CKAP5: variants seen among roughly 807,000 people sequenced by gnomAD.
CKAP5 encodes cytoskeleton associated protein 5.
CKAP5 carries 27 observed loss-of-function variants against 232.8 expected under a neutral mutation model. The ratio of observed to expected loss-of-function variants is 0.12; its 90% CI spans 0.09 to 0.16. CKAP5 has a LOEUF of 0.16. CKAP5 is among the 10% of genes least tolerant of loss of function. The pLI is 1.00. For synonymous variants in CKAP5, 785 were observed against 841.1 expected (o/e 0.93, Z 1.16); for missense variants, 1,838 against 2,424.7 (o/e 0.76, Z 5.08).
chr11:46,777,589 T>A (rs770870917), intron 22 of CKAP5, 37 bp from the exon 23 acceptor site: 8 of 1,416,636 alleles, frequency 5.6e-6, no homozygotes, highest in Non-Finnish European at 7.0e-6. Context: ...GTTGAAACGA[T>A]AAGCAAGTTG....
intron 22 of CKAP5, 119 bp downstream of exon 22, chr11:46,778,020 T>C (rs2065305558): frequency 1.3e-6 from 1 of 763,968 alleles, no homozygotes; most frequent in Non-Finnish European, 2.1e-6. Flanking sequence ...GGCAGCTATT[T>C]CTAGTTCAAA....
At chr11:46,814,349 G>A (rs1407016408) in intron 4 of CKAP5, among the ~76,000 whole-genome samples, 2 of 151,982 alleles carry the variant, frequency 1.3e-5, no homozygotes, top group Non-Finnish European at 2.9e-5. Context: ...ATTCACGTAA[G>A]AATCTAAGCA....
chr11:46,827,133 A>C (rs2134701069), intron 1 of CKAP5, among the ~76,000 whole-genome samples: 1 of 152,306 alleles, frequency 6.6e-6, no homozygotes, highest in Middle Eastern at 3.4e-3. Context: ...GAAACAAAGG[A>C]GATGACCAGT....
chr11:46,817,410 T>C (rs1939427590), intron 3 of CKAP5, among the ~76,000 whole-genome samples: 1 of 152,224 alleles, frequency 6.6e-6, no homozygotes. Flanking sequence ...ATAACTTTAC[T>C]GCTTTGAATC....
intron 26 of CKAP5, among the ~76,000 whole-genome samples, 171 bp downstream of exon 26, chr11:46,769,792 A>T (rs2065232980): frequency 6.6e-6 from 1 of 152,236 alleles, no homozygotes; most frequent in Non-Finnish European, 1.5e-5. Context: ...GGCATAAAAT[A>T]GGTACTTGAC....
intron 43 of CKAP5, 74 bp from the exon 44 acceptor site, chr11:46,744,339 G>A: frequency 6.2e-7 from 1 of 1,612,478 alleles, no homozygotes; most frequent in Non-Finnish European, 8.5e-7. Context: ...ACTACAGCAA[G>A]ACTAAGCCAC....
intron 16 of CKAP5, among the ~76,000 whole-genome samples, chr11:46,786,482 A>AG (rs1170214823): frequency 2.6e-5 from 4 of 152,236 alleles, no homozygotes; most frequent in African/African-American, 4.8e-5. Flanking sequence ...TGGCTAGCTC[A>AG]GTGGGAAAAG....
At chr11:46,793,389 T>C (rs1938786831) in intron 13 of CKAP5, among the ~76,000 whole-genome samples, 1 of 152,208 alleles carries the variant, frequency 6.6e-6, no homozygotes, top group African/African-American at 2.4e-5. Context: ...CAGATAACTC[T>C]CACTCTTAAG....
intron 1 of CKAP5, among the ~76,000 whole-genome samples, chr11:46,845,565 T>TA (rs1307185580): frequency 6.6e-6 from 1 of 152,088 alleles, no homozygotes; most frequent in Non-Finnish European, 1.5e-5. Context: ...AGCCCGACCT[T>TA]AAAGTAGCAA....
rs759778582 is a variant in CKAP5, at chr11:46,752,686, G to A, written c.5082C>T (p.Asp1694=). The stretch of plus-strand genomic sequence containing the variant: ...GAGAACTGGCTGTTGCTAGCAGGCT[G>A]TCTTGGAGCAAAACAAGTAGGGCAC... ...ILSALLVLLQ[D]SLLATASSPK... Residue 1694 remains aspartate (D), a synonymous_variant, in exon 38 of 44, where the codon GAC becomes GAT. Transcript: ENST00000529230. 1.2e-6 allele frequency: 2 copies of A among 1,612,970 alleles called. No homozygotes were observed. Among genetic ancestry groups the A allele is most frequent in the South Asian group, 1.1e-5 (1 of 91,000 alleles).
chr11:46,833,002 C>T (rs1220577362), intron 1 of CKAP5, among the ~76,000 whole-genome samples: 1 of 151,394 alleles, frequency 6.6e-6, no homozygotes, highest in Admixed American at 6.6e-5. Context: ...CATTATTCTC[C>T]TGTCCTGACA....
rs1939115836 is a variant in CKAP5, at chr11:46,804,840, A to C, written c.978+3191T>G. Among the ~76,000 whole-genome samples, 4 of 151,650 alleles carry C rather than the reference A, an allele frequency of 2.6e-5. No homozygotes were observed. The South Asian group carries it at 8.3e-4, about 31-fold the overall frequency. ...TTCGAAAATCCAAATCTTAATGTAAAGATAAATAAATTATATATATATAAA... is the reference window on the plus strand; with the variant it reads ...TTCGAAAATCCAAATCTTAATGTAACGATAAATAAATTATATATATATAAA... On this transcript the variant is annotated intron_variant, in intron 8 of 43. Coordinates refer to ENST00000529230, the MANE Select transcript of CKAP5 (RefSeq NM_001008938.4).
Position 46,790,472 on chromosome 11 carries a change from A to G in CKAP5, c.1762T>C (p.Ser588Pro). The change falls in exon 14 of 44, where the codon TCG (serine) becomes CCG (proline). Residue 588 changes from serine (S) to proline (P), a missense_variant and splice_region_variant. Physicochemically the swap from Ser to Pro is moderately conservative, Grantham distance 74. Transcript: ENST00000529230. ...AGGCTCAGTGTGTTAATACTGACCG[A>G]GAGCTCAGGCTCCACTATTTCTTTA... ...ETKEIVEPEL[S>P]IEVCEEKASA... 6.2e-7 allele frequency: 1 copy of G among 1,607,980 alleles called. No individual in the cohort carries two copies. Among genetic ancestry groups the G allele is most frequent in the Non-Finnish European group, 8.5e-7 (1 of 1,174,656 alleles).
intron 26 of CKAP5, among the ~76,000 whole-genome samples, chr11:46,768,616 G>A (rs551705885): frequency 6.7e-6 from 1 of 148,578 alleles, no homozygotes; most frequent in South Asian, 2.1e-4. Flanking sequence ...GACTAGTTCT[G>A]GCTCACCCAG....
intron 42 of CKAP5, among the ~76,000 whole-genome samples, chr11:46,749,078 C>T (rs2065043288): frequency 6.6e-6 from 1 of 151,526 alleles, no homozygotes; most frequent in African/African-American, 2.4e-5. Context: ...GATCTGCCCG[C>T]CTCAGCCTCC....
In CKAP5 at chr11:46,769,013, G is replaced by A. The variant is rs536332204; in HGVS notation, c.3322+950C>T. ...TGGCTTACTGCAACCTCTGCCTCCC[G>A]GATTCAAGCAATTCTCCTGCCTCAG... On this transcript the variant is annotated intron_variant, in intron 26 of 43. Transcript: ENST00000529230. Among the ~76,000 whole-genome samples, 14 of 151,846 alleles carry A rather than the reference G, an allele frequency of 9.2e-5. No individual in the cohort carries two copies. In the South Asian group the frequency reaches 1.3e-3, roughly 14 times the overall value.
chr11:46,813,624 G>C (rs1162413962), intron 4 of CKAP5, among the ~76,000 whole-genome samples: 2 of 152,162 alleles, frequency 1.3e-5, no homozygotes, highest in East Asian at 1.9e-4. Context: ...CAAGGTTCTT[G>C]AGGGTCCCAG....
rs2065147986 is a variant in CKAP5, at chr11:46,760,765, C to T, written c.4241G>A (p.Ser1414Asn). 6.2e-7 allele frequency: 1 copy of T among 1,613,842 alleles called. No individual in the cohort carries two copies. The highest frequency in any genetic ancestry group is 8.5e-7 in the Non-Finnish European group (1 of 1,179,976). The stretch of plus-strand genomic sequence containing the variant: ...CCGCTTAATCCTCTCCTCGAGCATG[C>T]TCATATCCTTTTCAGAAAGCTGTAA... ...LIGNLSEKDM[S>N]MLEERIKRSA... Residue 1414 changes from serine (S) to asparagine (N), a missense_variant, in exon 33 of 44, where the codon AGC becomes AAC. Physicochemically the swap from Ser to Asn is conservative, Grantham distance 46. This residue lies in a region of CKAP5 where 579 missense variants were observed against 843.2 expected (regional missense o/e 0.69). Transcript: ENST00000529230.
Position 46,811,072 on chromosome 11 carries a change from C to T in CKAP5, c.565G>A (p.Val189Met). ...AVRDEAKLIAVEIYRWIRDAL... is the reference protein window; with the variant it reads ...AVRDEAKLIAMEIYRWIRDAL... Reference sequence around the variant, plus strand: ...TCCCGAATCCATCTGTAAATCTCCACAGCAATTAGTTTGGCTTCATCTCGA... The same window carrying T: ...TCCCGAATCCATCTGTAAATCTCCATAGCAATTAGTTTGGCTTCATCTCGA... The change falls in exon 5 of 44, where the codon GTG (valine) becomes ATG (methionine). Residue 189 changes from valine to methionine, a missense_variant. Physicochemically the swap from Val to Met is conservative, Grantham distance 21. Coordinates refer to ENST00000529230, the MANE Select transcript of CKAP5 (RefSeq NM_001008938.4). 1.9e-6 allele frequency: 3 copies of T among 1,614,110 alleles called. No homozygotes were observed. Among genetic ancestry groups the T allele is most frequent in the Non-Finnish European group, 2.5e-6 (3 of 1,180,008 alleles).
Sources: gnomAD v4.1 joint callset for allele counts (sites outside exome capture counted in the v4.1 genomes callset) on GRCh38, gnomAD v4.1.1 for gene constraint, gnomAD v4.1.1 regional missense constraint, MANE v1.5 for transcripts, NCBI Gene and HGNC (gene_info 2026-07-23, HGNC 2026-07-21) for gene names.